PRTG: variants seen among roughly 807,000 people sequenced by gnomAD.
The protein encoded by PRTG is protogenin, also known as immunoglobulin superfamily, DCC subclass, member 5.
In PRTG, 67 loss-of-function variants were observed where a neutral mutation model predicts 122.5. The ratio of observed to expected loss-of-function variants is 0.55; its 90% CI spans 0.45 to 0.67. The LOEUF (loss-of-function observed/expected upper bound fraction) is 0.67, where lower values mean the gene tolerates loss of function less well. Ranked by LOEUF, PRTG falls within the 30% of genes least tolerant of loss-of-function variation. The pLI is 0.00. For missense variants in PRTG, 1,435 were observed against 1,415.4 expected (o/e 1.01, Z -0.22); for synonymous variants, 554 against 501.1 (o/e 1.11, Z -1.41).
At chr15:55,630,194 G>A (rs2059219844) in intron 15 of PRTG, among the ~76,000 whole-genome samples, 1 of 152,096 alleles carries the variant, frequency 6.6e-6, no homozygotes, top group Non-Finnish European at 1.5e-5. Flanking sequence ...CACCGTGTTA[G>A]CCAGGATGGT....
chr15:55,734,517 G>A (rs1489984390), intron 2 of PRTG, among the ~76,000 whole-genome samples: 1 of 151,828 alleles, frequency 6.6e-6, no homozygotes, highest in East Asian at 1.9e-4. Flanking sequence ...TTTGAAACCA[G>A]AGACCTGAAC....
chr15:55,742,994 G>T lies in PRTG; in HGVS notation c.-63C>A. ...GAGCCCCTGTCCGTCTGCGGCCCCC[G>T]CCCCGGGCGCTCTCTGCTCTGCGGC... is the stretch of plus-strand genomic sequence containing the variant. On this transcript the variant is annotated 5_prime_UTR_variant, in exon 1 of 20. Coordinates refer to ENST00000389286, the MANE Select transcript of PRTG (RefSeq NM_173814.6). 7.2e-7 allele frequency: 1 copy of T among 1,388,910 alleles called. No individual in the cohort carries two copies. The highest frequency in any genetic ancestry group is 9.3e-7 in the Non-Finnish European group (1 of 1,076,140). The allele number at this position is 1,388,910 out of a possible 1,614,324, so 86.0% of individuals were successfully genotyped here.
intron 2 of PRTG, among the ~76,000 whole-genome samples, chr15:55,725,049 C>T (rs1303754569): frequency 6.6e-6 from 1 of 152,152 alleles, no homozygotes; most frequent in African/African-American, 2.4e-5. Flanking sequence ...TTGGTTTGTA[C>T]CTCCACTTTT....
chr15:55,710,155 A>G (rs2030322103), intron 2 of PRTG, among the ~76,000 whole-genome samples: 1 of 152,222 alleles, frequency 6.6e-6, no homozygotes, highest in African/African-American at 2.4e-5. Flanking sequence ...CTATTACTGC[A>G]ATATTTATGG....
At chr15:55,701,853 G>A (rs1021132873) in intron 2 of PRTG, among the ~76,000 whole-genome samples, 4 of 152,106 alleles carry the variant, frequency 2.6e-5, no homozygotes, top group Admixed American at 2.6e-4. Flanking sequence ...GACACAGAAG[G>A]TTACATAATA....
intron 2 of PRTG, among the ~76,000 whole-genome samples, chr15:55,727,613 T>C (rs1369997563): frequency 1.3e-5 from 2 of 152,028 alleles, no homozygotes; most frequent in Non-Finnish European, 2.9e-5. Flanking sequence ...CTAGCTAACA[T>C]GGTGAAACCC....
intron 2 of PRTG, among the ~76,000 whole-genome samples, chr15:55,700,567 A>C (rs1290766359): frequency 6.6e-6 from 1 of 152,030 alleles, no homozygotes; most frequent in Admixed American, 6.6e-5. Context: ...GGATCACTTG[A>C]ACCTAAGAGT....
At chr15:55,620,874 TTTCA>T in intron 18 of PRTG, 107 bp from the exon 19 acceptor site, 1 of 955,302 alleles carries the variant, frequency 1.0e-6, no homozygotes, top group Non-Finnish European at 1.5e-6. Context: ...ACATTTCCCT[TTTCA>T]TTTTTATTTT....
Position 55,619,916 on chromosome 15 carries a change from A to G in PRTG, c.*96T>C. The G allele has an allele frequency of 1.3e-6, 2 of 1,550,778 alleles. No individual in the cohort carries two copies. Among genetic ancestry groups the G allele is most frequent in the South Asian group, 2.5e-5 (2 of 79,410 alleles). On this transcript the variant is annotated 3_prime_UTR_variant, in exon 20 of 20. Transcript: ENST00000389286. Reference sequence around the variant, plus strand: ...TAGCATGGCAGATGGCGGCTGCAGAACTAAGGAGGAAGTCTGCTCACTAAC... The same window carrying G: ...TAGCATGGCAGATGGCGGCTGCAGAGCTAAGGAGGAAGTCTGCTCACTAAC...
chr15:55,648,644 T>C (rs1200418089), intron 11 of PRTG, among the ~76,000 whole-genome samples: 1 of 152,220 alleles, frequency 6.6e-6, no homozygotes, highest in Non-Finnish European at 1.5e-5. Flanking sequence ...AATTCTAGTA[T>C]CTGAGTATCT....
At position 55,680,394 on chromosome 15, in the gene PRTG, CTGTG is replaced by C. The variant is rs2059530917; in HGVS notation, c.814+93_814+96del. ...AAATTAAGACATTCAACAGCCAAACCTGTGTTTTTGTATATAAAATAAACATTTT... is the reference window on the plus strand; with the variant it reads ...AAATTAAGACATTCAACAGCCAAACCTTTTTGTATATAAAATAAACATTTT... On this transcript the variant is annotated intron_variant, in intron 5 of 19. Coordinates refer to ENST00000389286, the MANE Select transcript of PRTG (RefSeq NM_173814.6). 12 of 1,335,164 alleles carry C rather than the reference CTGTG, an allele frequency of 9.0e-6. No homozygotes were observed. In the South Asian group the frequency reaches 2.2e-4, roughly 25 times the overall value. The allele number at this position is 1,335,164 out of a possible 1,614,324, so 82.7% of individuals were successfully genotyped here.
intron 2 of PRTG, among the ~76,000 whole-genome samples, chr15:55,705,072 ACT>A (rs1295846915): frequency 1.3e-5 from 2 of 152,182 alleles, no homozygotes; most frequent in African/African-American, 4.8e-5. Flanking sequence ...AAATAATATT[ACT>A]TTTATTTATA....
At position 55,619,893 on chromosome 15, in the gene PRTG, G is replaced by C. The variant is rs538418572; in HGVS notation, c.*119C>G. The C allele has an allele frequency of 6.0e-6, 9 of 1,504,112 alleles. No homozygotes were observed. Among genetic ancestry groups the C allele is most frequent in the South Asian group, 1.3e-5 (1 of 75,454 alleles). The allele number at this position is 1,504,112 out of a possible 1,614,324, so 93.2% of individuals were successfully genotyped here. ...GGAAAATCATTTTTATCAAAGCATA[G>C]CATGGCAGATGGCGGCTGCAGAACT... On this transcript the variant is annotated 3_prime_UTR_variant, in exon 20 of 20. Transcript: ENST00000389286.
rs895505574 is a variant in PRTG, at chr15:55,619,184, T to C, written c.*828A>G. ...AGCTTGAGGTTTGGGATATAGGAGA[T>C]AAAGCACTCAGACTCTAATGCCCAA... On this transcript the variant is annotated 3_prime_UTR_variant, in exon 20 of 20. Coordinates refer to ENST00000389286, the MANE Select transcript of PRTG (RefSeq NM_173814.6). 1 of 152,134 alleles carries C rather than the reference T, an allele frequency of 6.6e-6. No homozygotes were observed. The highest frequency in any genetic ancestry group is 1.5e-5 in the Non-Finnish European group (1 of 68,042). The allele number at this position is 152,134 out of a possible 1,614,324, so 9.4% of individuals were successfully genotyped here. A position where few individuals can be genotyped will look rare whatever the true frequency, so the allele number is the denominator to read the frequency against.
At position 55,612,190 on chromosome 15, in the gene PRTG, AT is replaced by A. The variant is rs1363606585; in HGVS notation, c.*7821del. On this transcript the variant is annotated 3_prime_UTR_variant, in exon 20 of 20. Coordinates refer to ENST00000389286, the MANE Select transcript of PRTG (RefSeq NM_173814.6). ...CTCAAGTTGCTAATCATCAGTAATA[AT>A]TTTCATTTGCAAACAAAATAGATAT... is the stretch of plus-strand genomic sequence containing the variant. 4 of 152,102 alleles carry A rather than the reference AT, an allele frequency of 2.6e-5. No homozygotes were observed. The highest frequency in any genetic ancestry group is 4.4e-5 in the Non-Finnish European group (3 of 67,962). 9.4% of individuals were successfully genotyped at this position (152,102 alleles called of 1,614,324 possible). A position where few individuals can be genotyped will look rare whatever the true frequency, so the allele number is the denominator to read the frequency against.
intron 11 of PRTG, among the ~76,000 whole-genome samples, chr15:55,664,414 A>AT (rs1408969173): frequency 3.3e-5 from 5 of 152,216 alleles, no homozygotes; most frequent in African/African-American, 1.2e-4. Context: ...AAGTGCTGGG[A>AT]TTACAGGCGT....
chr15:55,635,326 G>A (rs543933641), intron 15 of PRTG, among the ~76,000 whole-genome samples: 3 of 152,214 alleles, frequency 2.0e-5, no homozygotes, highest in South Asian at 2.1e-4. Context: ...TTCTGACCTC[G>A]TGATCCGTCT....
At position 55,615,755 on chromosome 15, in the gene PRTG, A is replaced by G. The variant is rs1295396667; in HGVS notation, c.*4257T>C. The G allele has an allele frequency of 6.6e-6, 1 of 152,092 alleles. No individual in the cohort carries two copies. Among genetic ancestry groups the G allele is most frequent in the Non-Finnish European group, 1.5e-5 (1 of 67,974 alleles). The allele number at this position is 152,092 out of a possible 1,614,324, so 9.4% of individuals were successfully genotyped here. A position where few individuals can be genotyped will look rare whatever the true frequency, so the allele number is the denominator to read the frequency against. On this transcript the variant is annotated 3_prime_UTR_variant, in exon 20 of 20. Transcript: ENST00000389286. ...TTTACATTCAGTATTCAAAATTTAC[A>G]TTCAGTGAAACAGAAATGTATATAA...
chr15:55,626,782 G>GA (rs1229563859), intron 17 of PRTG, among the ~76,000 whole-genome samples: 10 of 149,698 alleles, frequency 6.7e-5, no homozygotes, highest in South Asian at 2.1e-4. Context: ...AAAGAAAAAA[G>GA]AAAAAAAAAG....
Sources: gnomAD v4.1 joint callset for allele counts (sites outside exome capture counted in the v4.1 genomes callset) on GRCh38, gnomAD v4.1.1 for gene constraint, MANE v1.5 for transcripts, NCBI Gene and HGNC (gene_info 2026-07-23, HGNC 2026-07-21) for gene names.